The following TBC1D19 variants were observed in gnomAD, a reference collection of about 807,000 sequenced individuals.
The protein encoded by TBC1D19 is TBC1 domain family member 19.
Under a neutral mutation model 89.0 loss-of-function variants are expected in TBC1D19, and 60 were observed. That is an observed-to-expected ratio of 0.67 (90% CI 0.55 to 0.84). The LOEUF (loss-of-function observed/expected upper bound fraction) is 0.84. Among genes scored for constraint, TBC1D19 ranks in the 40% least tolerant of loss-of-function variants. The probability of loss-of-function intolerance (pLI) is 0.00; values close to 1 mark genes in which losing one functional copy is unlikely to be tolerated. For synonymous variants in TBC1D19, 189 were observed against 199.7 expected (o/e 0.95, Z 0.45); for missense variants, 500 against 610.8 (o/e 0.82, Z 1.91).
At chr4:26,847,965 A>G in the TBC1D19 span, among the ~76,000 whole-genome samples, 3 of 152,224 alleles carry the variant, frequency 2.0e-5, no homozygotes, top group African/African-American at 7.2e-5. Flanking sequence ...TGTGAATTTG[A>G]GATGCTAATT....
chr4:26,602,049 T>G (rs1449148778), intron 1 of TBC1D19, among the ~76,000 whole-genome samples: 2 of 152,214 alleles, frequency 1.3e-5, no homozygotes, highest in Non-Finnish European at 2.9e-5. Context: ...ACAAGGACAA[T>G]GTCTTATTCT....
At chr4:26,632,847 TG>T (rs1439998484) in intron 4 of TBC1D19, among the ~76,000 whole-genome samples, 1 of 152,154 alleles carries the variant, frequency 6.6e-6, no homozygotes, top group Non-Finnish European at 1.5e-5. Flanking sequence ...AATGTCAATT[TG>T]TTTTTTGGCA....
At chr4:26,651,553 C>T (rs908483475) in intron 7 of TBC1D19, among the ~76,000 whole-genome samples, 3 of 152,142 alleles carry the variant, frequency 2.0e-5, no homozygotes, top group African/African-American at 4.8e-5. Flanking sequence ...GATTTTTGCA[C>T]ATTGATTTTG....
the TBC1D19 span, among the ~76,000 whole-genome samples, chr4:26,835,825 A>G: frequency 6.6e-6 from 1 of 152,298 alleles, no homozygotes; most frequent in East Asian, 1.9e-4. Flanking sequence ...GTAAAGTTCA[A>G]ACTTTGATGT....
intron 13 of TBC1D19, among the ~76,000 whole-genome samples, chr4:26,714,463 A>G (rs1716442679): frequency 6.6e-6 from 1 of 151,970 alleles, no homozygotes; most frequent in Admixed American, 6.6e-5. Flanking sequence ...CCTCCTTTTA[A>G]CTAATCTCTC....
chr4:26,622,133 T>C (rs1217054322), intron 4 of TBC1D19, among the ~76,000 whole-genome samples: 1 of 152,042 alleles, frequency 6.6e-6, no homozygotes, highest in Non-Finnish European at 1.5e-5. Context: ...TTAGGAGATA[T>C]ACCTGATGCT....
At chr4:26,746,875 G>A (rs921454443) in intron 18 of TBC1D19, among the ~76,000 whole-genome samples, 6 of 152,210 alleles carry the variant, frequency 3.9e-5, no homozygotes, top group Non-Finnish European at 5.9e-5. Flanking sequence ...GAACACAGGC[G>A]CTGTGATACC....
chr4:26,787,026 C>T, the TBC1D19 span, among the ~76,000 whole-genome samples: 1 of 151,888 alleles, frequency 6.6e-6, no homozygotes, highest in Non-Finnish European at 1.5e-5. Context: ...GCCTTGCAAG[C>T]TTGTTGAGAA....
chr4:26,842,583 C>CCTCT, the TBC1D19 span, among the ~76,000 whole-genome samples: 6 of 70,538 alleles, frequency 8.5e-5, no homozygotes, highest in African/African-American at 2.6e-4. Flanking sequence ...TTCCTCCCTC[C>CCTCT]CTTTCTTTCT....
At chr4:26,693,563 C>CT (rs1387459753) in intron 13 of TBC1D19, among the ~76,000 whole-genome samples, 1 of 151,682 alleles carries the variant, frequency 6.6e-6, no homozygotes, top group East Asian at 2.0e-4. Context: ...GGTGTAGTGG[C>CT]ATGCACCTGT....
At chr4:26,606,435 A>G (rs1741008427) in intron 1 of TBC1D19, among the ~76,000 whole-genome samples, 1 of 152,194 alleles carries the variant, frequency 6.6e-6, no homozygotes. Context: ...TCACATAGGA[A>G]GCTCTCTCAC....
the TBC1D19 span, among the ~76,000 whole-genome samples, chr4:26,818,660 A>G: frequency 2.0e-5 from 3 of 152,250 alleles, no homozygotes; most frequent in Non-Finnish European, 4.4e-5. Context: ...CACTTATTTT[A>G]TATCTACACA....
chr4:26,739,316 T>C (rs1718216436), intron 16 of TBC1D19, among the ~76,000 whole-genome samples: 1 of 152,164 alleles, frequency 6.6e-6, no homozygotes, highest in Non-Finnish European at 1.5e-5. Flanking sequence ...TGAATATATA[T>C]GGGGATATAG....
chr4:26,752,747 G>A (rs933539190), intron 19 of TBC1D19, among the ~76,000 whole-genome samples: 1 of 152,126 alleles, frequency 6.6e-6, no homozygotes. Context: ...GAGTTTTATG[G>A]TAGGTTATAT....
At chr4:26,829,074 T>G in the TBC1D19 span, among the ~76,000 whole-genome samples, 1 of 152,222 alleles carries the variant, frequency 6.6e-6, no homozygotes, top group East Asian at 1.9e-4. Context: ...AACTCAAGAT[T>G]GGAAGGAAAC....
the TBC1D19 span, among the ~76,000 whole-genome samples, chr4:26,820,677 C>T: frequency 1.3e-5 from 2 of 152,092 alleles, no homozygotes; most frequent in African/African-American, 2.4e-5. Context: ...AATTTCAATT[C>T]TTTTGGATAT....
In TBC1D19 at chr4:26,673,446, T is replaced by TATATATACACACACACACAC. The variant is rs373807642; in HGVS notation, c.704-329_704-328insTATATACACACACACACACA. On this transcript the variant is annotated intron_variant, in intron 10 of 20. Coordinates refer to ENST00000264866, the MANE Select transcript of TBC1D19 (RefSeq NM_018317.4). ...TTTCATATATATATATATATATATA[T>TATATATACACACACACACAC]ACACACACACACACACACACACACA... 3.7e-3 allele frequency among the ~76,000 whole-genome samples: 339 copies of TATATATACACACACACACAC among 90,822 alleles called. 5 individuals are homozygous for TATATATACACACACACACAC. Among genetic ancestry groups the TATATATACACACACACACAC allele is most frequent in the African/African-American group, 9.8e-3 (229 of 23,482 alleles). 59.6% of individuals were successfully genotyped at this position (90,822 alleles called of 152,430 possible).
chr4:26,748,802 A>G lies in TBC1D19; in HGVS notation c.1435+276A>G, dbSNP rs1053284733. On this transcript the variant is annotated intron_variant, in intron 19 of 20. Transcript: ENST00000264866. ...TTCCCTCTCCCCTTTTAGTCCAGCT[A>G]GGTCTCACTATCTCCCAACACCTAT... is the stretch of plus-strand genomic sequence containing the variant. Among the ~76,000 whole-genome samples, 91 of 152,004 alleles carry G rather than the reference A, an allele frequency of 6.0e-4. 1 individual carries two copies. The highest frequency in any genetic ancestry group is 5.8e-3 in the Admixed American group (89 of 15,256).
chr4:26,790,282 T>G, the TBC1D19 span, among the ~76,000 whole-genome samples: 3 of 152,270 alleles, frequency 2.0e-5, no homozygotes, highest in African/African-American at 4.8e-5. Flanking sequence ...GATGGTGCCA[T>G]CAGATAAGAG....
Sources: allele counts gnomAD v4.1 joint callset (sites outside exome capture counted in the v4.1 genomes callset), GRCh38; gene constraint gnomAD v4.1.1; transcripts MANE v1.5; gene names NCBI Gene and HGNC (gene_info 2026-07-23, HGNC 2026-07-21).